Variants in CNGB3 observed in about 807,000 individuals in gnomAD.
CNGB3 encodes the protein cyclic nucleotide-gated channel beta-3.
In CNGB3, 86 loss-of-function variants were observed where a neutral mutation model predicts 92.8. That is an observed-to-expected ratio of 0.93 (90% CI 0.78 to 1.11). The LOEUF is 1.11. Ranked by LOEUF, CNGB3 falls within the 50% of genes least tolerant of loss-of-function variation. CNGB3 has a pLI of 0.00. For missense variants in CNGB3, 1,026 were observed against 956.8 expected, an observed-to-expected ratio of 1.07 and a Z score of -0.95; for synonymous variants, 333 against 332.7, an observed-to-expected ratio of 1.00 and a Z score of -0.01.
intron 10 of CNGB3, among the ~76,000 whole-genome samples, chr8:86,641,733 A>G (rs545971808): frequency 7.5e-4 from 114 of 151,866 alleles, no homozygotes; most frequent in Non-Finnish European, 1.2e-3. Flanking sequence ...GGTTTGGTAC[A>G]TATGTTTGTG....
intron 13 of CNGB3, among the ~76,000 whole-genome samples, chr8:86,618,742 G>C (rs1822666416): frequency 6.6e-6 from 1 of 152,180 alleles, no homozygotes; most frequent in Non-Finnish European, 1.5e-5. Context: ...TGGTAGAAAT[G>C]AAACACAAGT....
intron 6 of CNGB3, chr8:86,658,436 C>A (rs564045032): frequency 1.7e-5 from 7 of 418,536 alleles, no homozygotes; most frequent in Admixed American, 1.2e-4. Context: ...CTTCCAGGTG[C>A]TCCTGGGTCT....
intron 15 of CNGB3, chr8:86,594,159 ATG>A (rs1822118502): frequency 3.6e-6 from 1 of 281,546 alleles, no homozygotes; most frequent in African/African-American, 2.2e-5. Context: ...CCAACGGGGA[ATG>A]TGTCTCCAAC....
At chr8:86,651,790 C>T (rs1823409046) in intron 7 of CNGB3, among the ~76,000 whole-genome samples, 1 of 151,908 alleles carries the variant, frequency 6.6e-6, no homozygotes, top group African/African-American at 2.4e-5. Context: ...ATTTGCAAAG[C>T]ATGTTGGGGT....
chr8:86,596,869 C>A (rs551328731), intron 15 of CNGB3, among the ~76,000 whole-genome samples: 2 of 152,272 alleles, frequency 1.3e-5, no homozygotes, highest in East Asian at 3.9e-4. Flanking sequence ...AGTTCATGTC[C>A]TTTGCAGAGA....
intron 15 of CNGB3, among the ~76,000 whole-genome samples, chr8:86,598,960 A>G (rs1385643336): frequency 6.6e-6 from 1 of 152,126 alleles, no homozygotes; most frequent in East Asian, 1.9e-4. Flanking sequence ...TCAACCCACT[A>G]CAGGCATCAC....
chr8:86,671,485 T>A, intron 3 of CNGB3, among the ~76,000 whole-genome samples: 1 of 152,182 alleles, frequency 6.6e-6, no homozygotes, highest in East Asian at 1.9e-4. Context: ...AGTATGGTGG[T>A]TTTATTCCCA....
intron 3 of CNGB3, among the ~76,000 whole-genome samples, chr8:86,723,229 C>G (rs1866906): frequency 6.6e-6 from 1 of 152,084 alleles, no homozygotes; most frequent in East Asian, 1.9e-4. Context: ...CTATTCAGCT[C>G]AAGGCTTACG....
At chr8:86,604,998 T>C (rs1822386264) in intron 14 of CNGB3, among the ~76,000 whole-genome samples, 1 of 152,162 alleles carries the variant, frequency 6.6e-6, no homozygotes, top group Non-Finnish European at 1.5e-5. Flanking sequence ...TTAAGAACAT[T>C]GGACCCAAGA....
intron 3 of CNGB3, among the ~76,000 whole-genome samples, chr8:86,720,753 C>G (rs1350222929): frequency 6.6e-6 from 1 of 150,482 alleles, no homozygotes; most frequent in Non-Finnish European, 1.5e-5. Context: ...AACCCAAATG[C>G]TTGTCAATCA....
rs760764530 is a variant in CNGB3 at position 86,629,047 on chromosome 8, T to C, written c.1352A>G (p.Asn451Ser). Residue 451 changes from asparagine to serine, a missense_variant, in exon 12 of 18, where the codon AAT becomes AGT. By Grantham distance (46) the Asn-to-Ser change is conservative. Coordinates refer to ENST00000320005, the MANE Select transcript of CNGB3 (RefSeq NM_019098.5). Reference sequence around the variant, plus strand: ...CATGCAGGCGCGGAAGTAGTTCTGATTGGCTGTAGCTGCTCCAATCACATC... The same window carrying C: ...CATGCAGGCGCGGAAGTAGTTCTGACTGGCTGTAGCTGCTCCAATCACATC... ...MRDVIGAATA[N>S]QNYFRACMDD... The C allele has an allele frequency of 1.1e-5, 18 of 1,614,058 alleles. No homozygotes were observed. Among genetic ancestry groups the C allele is most frequent in the Non-Finnish European group, 1.4e-5 (16 of 1,179,960 alleles).
At chr8:86,622,172 A>C (rs1822749188) in intron 13 of CNGB3, among the ~76,000 whole-genome samples, 1 of 152,220 alleles carries the variant, frequency 6.6e-6, no homozygotes, top group South Asian at 2.1e-4. Context: ...ATACAAATAC[A>C]TCAATATGTA....
Position 86,578,860 on chromosome 8 carries a change from C to T in CNGB3, c.1932G>A (p.Val644=), listed in dbSNP as rs753607658. The T allele has an allele frequency of 6.8e-6, 11 of 1,614,156 alleles. 1 individual carries two copies. In the South Asian group the frequency reaches 9.9e-5, roughly 14 times the overall value. Residue 644 remains valine (V), a synonymous_variant, in exon 17 of 18, where the codon GTG becomes GTA. Coordinates refer to ENST00000320005, the MANE Select transcript of CNGB3 (RefSeq NM_019098.5). ...SERILMKKAR[V]LLKQKAKTAE... The stretch of plus-strand genomic sequence containing the variant: ...CGGTCTTAGCCTTCTGCTTTAAAAG[C>T]ACTCTGTGGGTAAGAGAGAAAAGCT...
At chr8:86,610,083 C>T (rs1822489385) in intron 14 of CNGB3, among the ~76,000 whole-genome samples, 1 of 152,144 alleles carries the variant, frequency 6.6e-6, no homozygotes, top group African/African-American at 2.4e-5. Context: ...TCAGTTTTGG[C>T]TGCATTTTAG....
intron 14 of CNGB3, among the ~76,000 whole-genome samples, chr8:86,609,941 A>G (rs1186772321): frequency 6.6e-6 from 1 of 152,094 alleles, no homozygotes; most frequent in Non-Finnish European, 1.5e-5. Context: ...GATCTAAATT[A>G]AGTGTCTTTG....
chr8:86,604,099 T>C lies in CNGB3; in HGVS notation c.1775A>G (p.Glu592Gly), dbSNP rs566844518. Residue 592 changes from glutamate to glycine, a missense_variant, in exon 15 of 18, where the codon GAA (glutamate) becomes GGA (glycine). By Grantham distance (98) the Glu-to-Gly change is moderately conservative. Coordinates refer to ENST00000320005, the MANE Select transcript of CNGB3 (RefSeq NM_019098.5). Reference protein sequence around the residue: ...VTLKAGSVFGEISLLAAGGGN... With the variant: ...VTLKAGSVFGGISLLAAGGGN... ...TGAAGTATCTTTCAGATACCTGATT[T>C]CTCCAAACACCGACCCAGCTTTCAG... 12 of 1,605,864 alleles carry C rather than the reference T, an allele frequency of 7.5e-6. No homozygotes were observed. The African/African-American group carries it at 1.6e-4, about 21-fold the overall frequency.
At chr8:86,653,472 C>G (rs1310900020) in intron 7 of CNGB3, among the ~76,000 whole-genome samples, 1 of 152,034 alleles carries the variant, frequency 6.6e-6, no homozygotes, top group African/African-American at 2.4e-5. Context: ...AGAGTTCACT[C>G]CAATTGGGTA....
intron 3 of CNGB3, among the ~76,000 whole-genome samples, chr8:86,689,648 A>T (rs1438438110): frequency 4.0e-5 from 6 of 151,396 alleles, no homozygotes; most frequent in Admixed American, 4.0e-4. Context: ...TGCCATGTTG[A>T]TGTGCTGCAC....
At chr8:86,718,443 A>G (rs775216864) in intron 3 of CNGB3, among the ~76,000 whole-genome samples, 1 of 152,200 alleles carries the variant, frequency 6.6e-6, no homozygotes, top group African/African-American at 2.4e-5. Flanking sequence ...TCCTGGAAAT[A>G]TACAACCCTC....
Sources: allele counts gnomAD v4.1 joint callset (sites outside exome capture counted in the v4.1 genomes callset), GRCh38; gene constraint gnomAD v4.1.1; transcripts MANE v1.5; gene names NCBI Gene and HGNC (gene_info 2026-07-23, HGNC 2026-07-21).